The following L3MBTL3 variants were observed in gnomAD, a reference collection of about 807,000 sequenced individuals.
L3MBTL3 encodes the protein lethal(3)malignant brain tumor-like protein 3.
L3MBTL3 carries 27 observed loss-of-function variants against 102.3 expected under a neutral mutation model. The ratio of observed to expected loss-of-function variants is 0.26; its 90% confidence interval spans 0.19 to 0.36. The LOEUF is 0.36. Among genes scored for constraint, L3MBTL3 ranks in the 10% least tolerant of loss-of-function variants. L3MBTL3 has a pLI of 1.00. For synonymous variants in L3MBTL3, 340 were observed against 320.9 expected (o/e 1.06, Z -0.64); for missense variants, 798 against 955.3 (o/e 0.84, Z 2.17).
chr6:130,125,916 A>C (rs954025546), intron 20 of L3MBTL3, among the ~76,000 whole-genome samples: 1 of 151,860 alleles, frequency 6.6e-6, no homozygotes. Context: ...ACACACACAC[A>C]CCCCTCTTAA....
At chr6:130,033,800 A>G (rs375254587) in intron 2 of L3MBTL3, among the ~76,000 whole-genome samples, 2 of 152,360 alleles carry the variant, frequency 1.3e-5, no homozygotes, top group East Asian at 1.9e-4. Context: ...TCTTAAGAAA[A>G]AGCAACTGTA....
chr6:130,071,514 T>C (rs1471451572), intron 13 of L3MBTL3, among the ~76,000 whole-genome samples: 1 of 152,080 alleles, frequency 6.6e-6, no homozygotes, highest in East Asian at 1.9e-4. Context: ...TTAGATATCC[T>C]GCACAAAGTT....
chr6:130,132,023 T>A (rs1318859225), intron 20 of L3MBTL3, among the ~76,000 whole-genome samples: 1 of 152,128 alleles, frequency 6.6e-6, no homozygotes, highest in Non-Finnish European at 1.5e-5. Flanking sequence ...CAAGATGGAG[T>A]TGCTCTGGTT....
Position 130,051,384 on chromosome 6 carries a change from A to G in L3MBTL3, c.425A>G (p.Asn142Ser). ...TCTGGAGGAAACTATTGCAGCCAGA[A>G]TTGTGCTCGGCACATCAAAGATAAG... ...CLSGGNYCSQ[N>S]CARHIKDKDQ... Residue 142 changes from asparagine to serine, a missense_variant, in exon 6 of 23, where the codon AAT (asparagine) becomes AGT (serine). Coordinates refer to ENST00000361794, the MANE Select transcript of L3MBTL3 (RefSeq NM_032438.4). The G allele has an allele frequency of 6.2e-7, 1 of 1,614,090 alleles. No individual in the cohort carries two copies. The highest frequency in any genetic ancestry group is 8.5e-7 in the Non-Finnish European group (1 of 1,179,940).
intron 19 of L3MBTL3, among the ~76,000 whole-genome samples, chr6:130,113,121 A>G (rs1212888309): frequency 1.3e-5 from 2 of 152,190 alleles, no homozygotes; most frequent in Non-Finnish European, 2.9e-5. Context: ...ATGTCTTAAT[A>G]AAACTGTGGG....
At chr6:130,045,009 G>A (rs930733634) in intron 3 of L3MBTL3, among the ~76,000 whole-genome samples, 7 of 152,040 alleles carry the variant, frequency 4.6e-5, no homozygotes, top group African/African-American at 1.7e-4. Flanking sequence ...CAAATCTATA[G>A]AAGTCAATTT....
intron 9 of L3MBTL3, among the ~76,000 whole-genome samples, chr6:130,059,777 T>C (rs1443032494): frequency 6.6e-6 from 1 of 152,224 alleles, no homozygotes; most frequent in Non-Finnish European, 1.5e-5. Context: ...TTACTTTGTA[T>C]GTCTCTTCTG....
intron 19 of L3MBTL3, among the ~76,000 whole-genome samples, chr6:130,117,863 C>CTT (rs56787867): frequency 6.2e-4 from 33 of 53,056 alleles, no homozygotes; most frequent in Non-Finnish European, 8.5e-4. Context: ...GCACGCCTGA[C>CTT]TTTTTTTTTT....
chr6:130,053,004 G>A lies in L3MBTL3; in HGVS notation c.582+13G>A, dbSNP rs756285592. The A allele has an allele frequency of 2.5e-6, 4 of 1,597,964 alleles. No individual in the cohort carries two copies. Among genetic ancestry groups the A allele is most frequent in the East Asian group, 4.5e-5 (2 of 44,772 alleles). On this transcript the variant is annotated intron_variant, in intron 7 of 22. Transcript: ENST00000361794. ...AGATGATGAAATGGTGAGTGCCTCT[G>A]CCTGACACCAGGAGCACAGGGATGC...
At chr6:130,066,569 C>G in intron 11 of L3MBTL3, 81 bp downstream of exon 11, 1 of 1,270,954 alleles carries the variant, frequency 7.9e-7, no homozygotes, top group Admixed American at 2.4e-5. Context: ...GTTAAGAATT[C>G]AGACTTTATG....
At chr6:130,052,383 G>T (rs543679282) in intron 6 of L3MBTL3, among the ~76,000 whole-genome samples, 16 of 152,304 alleles carry the variant, frequency 1.1e-4, no homozygotes, top group Admixed American at 3.9e-4. Flanking sequence ...GGGATTAAAG[G>T]TGTGAGCCAC....
In L3MBTL3 at chr6:130,133,576, C is replaced by G; in HGVS notation, c.2091C>G (p.Val697=). ...WEQQSKLLPT[V]AGIPASKVSK... ...AGCAAAGCAAACTTCTTCCAACTGTCGCAGGAATCCCTGCCAGTAAAGTTT... is the reference window on the plus strand; with the variant it reads ...AGCAAAGCAAACTTCTTCCAACTGTGGCAGGAATCCCTGCCAGTAAAGTTT... Residue 697 remains valine, a synonymous_variant, in exon 21 of 23, where the codon GTC becomes GTG. Transcript: ENST00000361794. The surrounding 1 kb of genome is among the most constrained non-coding windows in gnomAD (Gnocchi z 4.9). 6.2e-7 allele frequency: 1 copy of G among 1,614,018 alleles called. No homozygotes were observed. The highest frequency in any genetic ancestry group is 8.5e-7 in the Non-Finnish European group (1 of 1,179,990).
chr6:130,019,942 CCGGGTGCGGGCGCGGGCG>C (rs1778845097), intron 1 of L3MBTL3, among the ~76,000 whole-genome samples: 1 of 136,560 alleles, frequency 7.3e-6, no homozygotes, highest in African/African-American at 2.6e-5. Flanking sequence ...CCGCGCCGGC[CCGGGTGCGGGCGCGGGCG>C]CGGGCGTGTG....
intron 17 of L3MBTL3, among the ~76,000 whole-genome samples, chr6:130,093,844 A>C (rs1367428553): frequency 6.6e-5 from 10 of 152,222 alleles, no homozygotes. Context: ...AAGAGCATGG[A>C]GGGATCTGGA....
At chr6:130,131,121 C>T (rs80246828) in intron 20 of L3MBTL3, among the ~76,000 whole-genome samples, 119 of 152,212 alleles carry the variant, frequency 7.8e-4, no homozygotes, top group African/African-American at 2.7e-3. Flanking sequence ...TTAGCTTCTT[C>T]ATGGATTGGA....
intron 19 of L3MBTL3, among the ~76,000 whole-genome samples, chr6:130,118,297 T>G (rs1238631544): frequency 6.6e-6 from 1 of 152,192 alleles, no homozygotes; most frequent in Non-Finnish European, 1.5e-5. Context: ...TAATAAACCT[T>G]CCTTCAAGGC....
Position 130,059,864 on chromosome 6 carries a change from T to C in L3MBTL3, c.760-172T>C, listed in dbSNP as rs546803814. ...TTACATTTCCTTTCCTGGGACCTAT[T>C]TGTAGCCTTGGTCCATTTTTTCAGT... On this transcript the variant is annotated intron_variant, in intron 9 of 22. Coordinates refer to ENST00000361794, the MANE Select transcript of L3MBTL3 (RefSeq NM_032438.4). 3.3e-5 allele frequency among the ~76,000 whole-genome samples: 5 copies of C among 152,372 alleles called. No individual in the cohort carries two copies. In the South Asian group the frequency reaches 1.0e-3, roughly 32 times the overall value.
intron 20 of L3MBTL3, among the ~76,000 whole-genome samples, chr6:130,128,911 C>A (rs1451001048): frequency 6.6e-6 from 1 of 152,190 alleles, no homozygotes; most frequent in Non-Finnish European, 1.5e-5. Flanking sequence ...ATCCAGAGAG[C>A]ATCTGCTGAC....
At chr6:130,085,743 C>G (rs1305018786) in intron 15 of L3MBTL3, among the ~76,000 whole-genome samples, 1 of 151,974 alleles carries the variant, frequency 6.6e-6, no homozygotes, top group East Asian at 1.9e-4. Flanking sequence ...CTCTAAATAG[C>G]CCAGCTATTT....
Sources: gnomAD v4.1 joint callset for allele counts (sites outside exome capture counted in the v4.1 genomes callset) on GRCh38, gnomAD v4.1.1 for gene constraint, Gnocchi (gnomAD v3.1) non-coding constraint, MANE v1.5 for transcripts, NCBI Gene and HGNC (gene_info 2026-07-23, HGNC 2026-07-21) for gene names.